Variants in METTL15 observed in about 807,000 individuals in gnomAD.
METTL15 encodes the protein 12S rRNA N(4)-cytidine methyltransferase METTL15.
Under a neutral mutation model 38.3 loss-of-function variants are expected in METTL15, and 34 were observed. That is an observed-to-expected ratio of 0.89 (90% CI 0.68 to 1.18). The LOEUF is 1.18. Among genes scored for constraint, METTL15 ranks in the 50% most tolerant of loss-of-function variants. The pLI is 0.00. For synonymous variants in METTL15, 162 were observed against 170.9 expected, an observed-to-expected ratio of 0.95 and a Z score of 0.41; for missense variants, 438 against 498.4, an observed-to-expected ratio of 0.88 and a Z score of 1.15.
At chr11:28,281,254 T>G (rs770271622) in intron 4 of METTL15, among the ~76,000 whole-genome samples, 1 of 152,228 alleles carries the variant, frequency 6.6e-6, no homozygotes, top group Non-Finnish European at 1.5e-5. Flanking sequence ...ACCTTTCTAC[T>G]AGTTTAATCC....
intron 3 of METTL15, among the ~76,000 whole-genome samples, chr11:28,204,775 T>C (rs193266359): frequency 7.2e-4 from 109 of 152,070 alleles, no homozygotes; most frequent in African/African-American, 2.3e-3. Context: ...GTAAGATAAA[T>C]AGAGGTACTT....
At chr11:28,413,410 A>G (rs1335303346) in intron 5 of METTL15, among the ~76,000 whole-genome samples, 1 of 152,200 alleles carries the variant, frequency 6.6e-6, no homozygotes, top group Non-Finnish European at 1.5e-5. Context: ...CACTTAAAAA[A>G]AGATTTATAT....
chr11:28,268,002 C>A (rs1013037552), intron 4 of METTL15, among the ~76,000 whole-genome samples: 33 of 151,742 alleles, frequency 2.2e-4, no homozygotes, highest in Middle Eastern at 6.8e-3. Context: ...TCGAGACCAT[C>A]CCGGCTAAAA....
intron 6 of METTL15, among the ~76,000 whole-genome samples, chr11:28,310,965 GGTGTGT>G (rs772116266): frequency 3.9e-5 from 3 of 77,510 alleles, no homozygotes; most frequent in Admixed American, 1.6e-4. Flanking sequence ...GGTGGTGGTG[GGTGTGT>G]GTGTGTGTGT....
intron 4 of METTL15, among the ~76,000 whole-genome samples, chr11:28,235,141 G>T (rs187280341): frequency 2.0e-5 from 3 of 151,712 alleles, no homozygotes; most frequent in Admixed American, 6.6e-5. Context: ...TTTCTGAGGG[G>T]TCTGTTCTGT....
At chr11:28,457,361 A>C (rs1195442011) in intron 6 of METTL15, among the ~76,000 whole-genome samples, 3 of 152,226 alleles carry the variant, frequency 2.0e-5, no homozygotes, top group Admixed American at 6.5e-5. Flanking sequence ...TTGTTTTAAA[A>C]AAATCCTCTA....
chr11:28,194,858 C>A (rs1020646499), intron 3 of METTL15, among the ~76,000 whole-genome samples: 4 of 151,618 alleles, frequency 2.6e-5, no homozygotes, highest in African/African-American at 9.7e-5. Context: ...GCCTCCTAAC[C>A]TCCGTCTTCT....
intron 3 of METTL15, among the ~76,000 whole-genome samples, chr11:28,136,247 G>A (rs1023871555): frequency 6.6e-6 from 1 of 152,160 alleles, no homozygotes; most frequent in Non-Finnish European, 1.5e-5. Context: ...CTTGTGTCGA[G>A]GGTGGGCCAG....
At chr11:28,515,735 A>T (rs1011191239) in intron 6 of METTL15, among the ~76,000 whole-genome samples, 1 of 152,224 alleles carries the variant, frequency 6.6e-6, no homozygotes, top group Non-Finnish European at 1.5e-5. Context: ...TTTAATCTAC[A>T]TTGAACCAGC....
chr11:28,223,155 A>G (rs1399736619), intron 4 of METTL15, among the ~76,000 whole-genome samples: 1 of 152,158 alleles, frequency 6.6e-6, no homozygotes, highest in Non-Finnish European at 1.5e-5. Flanking sequence ...ATTTCCTACA[A>G]ACTTTATATA....
At chr11:28,264,357 C>T (rs1212062176) in intron 4 of METTL15, among the ~76,000 whole-genome samples, 1 of 151,824 alleles carries the variant, frequency 6.6e-6, no homozygotes, top group Non-Finnish European at 1.5e-5. Context: ...AATTTCTGTG[C>T]TTTGATAATT....
intron 6 of METTL15, among the ~76,000 whole-genome samples, chr11:28,435,255 A>T (rs1019233178): frequency 2.5e-4 from 38 of 152,178 alleles, no homozygotes; most frequent in Non-Finnish European, 4.4e-4. Flanking sequence ...TTAATCCAAA[A>T]AGTTATGTAC....
At chr11:28,222,368 T>C (rs938903124) in intron 4 of METTL15, among the ~76,000 whole-genome samples, 2 of 152,166 alleles carry the variant, frequency 1.3e-5, no homozygotes, top group Non-Finnish European at 2.9e-5. Flanking sequence ...CAGGATATAA[T>C]CTCCTGGTGT....
intron 6 of METTL15, among the ~76,000 whole-genome samples, chr11:28,516,342 C>T (rs1851719145): frequency 6.6e-6 from 1 of 152,032 alleles, no homozygotes; most frequent in Non-Finnish European, 1.5e-5. Flanking sequence ...CAGAATTGGG[C>T]ATCAGTGGGC....
chr11:28,154,171 A>G (rs1850185946), intron 3 of METTL15, among the ~76,000 whole-genome samples: 1 of 152,164 alleles, frequency 6.6e-6, no homozygotes, highest in Non-Finnish European at 1.5e-5. Flanking sequence ...ATTCTAGCAT[A>G]GTGGTTAACA....
chr11:28,429,525 G>A (rs1423818634), intron 6 of METTL15, among the ~76,000 whole-genome samples: 13 of 121,106 alleles, frequency 1.1e-4, no homozygotes, highest in African/African-American at 3.5e-4. Context: ...GCGCCGCCAC[G>A]CCTGACTGGT....
At position 28,356,638 on chromosome 11, in the gene METTL15, C is replaced by T. The variant is rs17650837; in HGVS notation, c.*258+4480C>T. On this transcript the variant is annotated intron_variant and NMD_transcript_variant, in intron 4 of 7. Coordinates refer to the METTL15 transcript ENST00000532947. ...CATTCTCTGACCCCAAAGGTGACTCCTATCAAGGCAGTGGCATGAATTCTC... is the reference window on the plus strand; with the variant it reads ...CATTCTCTGACCCCAAAGGTGACTCTTATCAAGGCAGTGGCATGAATTCTC... 7.7e-3 allele frequency among the ~76,000 whole-genome samples: 1,176 copies of T among 152,240 alleles called. 15 individuals are homozygous for T. Among genetic ancestry groups the T allele is most frequent in the Non-Finnish European group, 0.011 (726 of 68,024 alleles).
chr11:28,482,760 T>A (rs1216658797), intron 6 of METTL15, among the ~76,000 whole-genome samples: 1 of 152,184 alleles, frequency 6.6e-6, no homozygotes, highest in Non-Finnish European at 1.5e-5. Flanking sequence ...TGGGCCTACC[T>A]ACGGAGTCAG....
chr11:28,193,582 G>A (rs539682230), intron 3 of METTL15, among the ~76,000 whole-genome samples: 2 of 152,114 alleles, frequency 1.3e-5, no homozygotes, highest in East Asian at 1.9e-4. Context: ...TTTGGGTGGG[G>A]ACACAGATCC....
Sources: allele counts gnomAD v4.1 joint callset (sites outside exome capture counted in the v4.1 genomes callset), GRCh38; gene constraint gnomAD v4.1.1; transcripts MANE v1.5; gene names NCBI Gene and HGNC (gene_info 2026-07-23, HGNC 2026-07-21).